SGPL1: variants seen among roughly 807,000 people sequenced by gnomAD.
SGPL1 encodes the protein SP-lyase 1.
In SGPL1, 37 loss-of-function variants were observed where a neutral mutation model predicts 68.9. That is an observed-to-expected ratio of 0.54 (90% CI 0.41 to 0.71). The LOEUF is 0.71. Among genes scored for constraint, SGPL1 ranks in the 30% least tolerant of loss-of-function variants. The pLI is 0.00. For missense variants in SGPL1, 551 were observed against 704.6 expected, an observed-to-expected ratio of 0.78 and a Z score of 2.47; for synonymous variants, 236 against 248.5, an observed-to-expected ratio of 0.95 and a Z score of 0.47.
chr10:70,867,320 T>C (rs893791074), intron 7 of SGPL1, among the ~76,000 whole-genome samples: 3 of 152,152 alleles, frequency 2.0e-5, no homozygotes, highest in African/African-American at 7.2e-5. Flanking sequence ...CCCAGCTCTT[T>C]GGGAGGCTGA....
rs55860254 is a variant in SGPL1 at position 70,848,454 on chromosome 10, CTTTTTTT to C, written c.194-2667_194-2661del. On this transcript the variant is annotated intron_variant, in intron 3 of 14. Transcript: ENST00000373202. ...CAAACTAACGTGATTACCTCACGTA[CTTTTTTT>C]TTTTTTTTTTTTTTTTTTTTTGAGA... Among the ~76,000 whole-genome samples, 316 of 70,662 alleles carry C rather than the reference CTTTTTTT, an allele frequency of 4.5e-3. 2 individuals are homozygous for C. The highest frequency in any genetic ancestry group is 0.032 in the Admixed American group (182 of 5,606). The allele number at this position is 70,662 out of a possible 152,430, so 46.4% of individuals were successfully genotyped here.
rs376930245 is a variant in SGPL1, at chr10:70,862,063, T to C, written c.615+2564T>C. Among the ~76,000 whole-genome samples, 57 of 149,148 alleles carry C rather than the reference T, an allele frequency of 3.8e-4. No homozygotes were observed. The East Asian group carries it at 7.7e-3, about 20-fold the overall frequency. On this transcript the variant is annotated intron_variant, in intron 7 of 14. Coordinates refer to ENST00000373202, the MANE Select transcript of SGPL1 (RefSeq NM_003901.4). ...CAGGACTGGCAGGCAGCTCCAGTCCTGCAGGCAGCTCCACCCGCAGCCCCG... is the reference window on the plus strand; with the variant it reads ...CAGGACTGGCAGGCAGCTCCAGTCCCGCAGGCAGCTCCACCCGCAGCCCCG...
At chr10:70,866,505 C>G (rs1289874826) in intron 7 of SGPL1, 1 of 152,164 alleles carries the variant, frequency 6.6e-6, no homozygotes, top group Non-Finnish European at 1.5e-5. Flanking sequence ...AAGTAGGACA[C>G]ATGAAGCAGG....
intron 2 of SGPL1, among the ~76,000 whole-genome samples, chr10:70,836,958 T>C (rs1476725853): frequency 6.6e-6 from 1 of 152,062 alleles, no homozygotes; most frequent in African/African-American, 2.4e-5. Context: ...ATGAAAGCCA[T>C]TTAGAGTTTT....
chr10:70,847,999 C>T (rs1257227430), intron 3 of SGPL1, among the ~76,000 whole-genome samples: 1 of 152,204 alleles, frequency 6.6e-6, no homozygotes, highest in Non-Finnish European at 1.5e-5. Flanking sequence ...GGTTAGCAGC[C>T]TCTTCCTTAA....
rs988842849 is a variant in SGPL1, at chr10:70,880,641, G to T, written c.*3306G>T. The T allele has an allele frequency of 6.6e-6, 1 of 152,168 alleles. No homozygotes were observed. Among genetic ancestry groups the T allele is most frequent in the African/African-American group, 2.4e-5 (1 of 41,430 alleles). 9.4% of individuals were successfully genotyped at this position (152,168 alleles called of 1,614,324 possible). On this transcript the variant is annotated 3_prime_UTR_variant, in exon 15 of 15. Transcript: ENST00000373202. The stretch of plus-strand genomic sequence containing the variant: ...TTATTCTATTATGAATAAGAAACGA[G>T]AAGTTTTTCCAAAGTGTTAGTCAGG...
intron 2 of SGPL1, among the ~76,000 whole-genome samples, chr10:70,843,257 C>CTGTGTG (rs56785272): frequency 6.7e-6 from 1 of 150,016 alleles, no homozygotes; most frequent in African/African-American, 2.4e-5. Flanking sequence ...ATGTATGTGC[C>CTGTGTG]TGTGTGTGTG....
At chr10:70,876,109 CA>C (rs1846380116) in intron 13 of SGPL1, among the ~76,000 whole-genome samples, 1 of 152,150 alleles carries the variant, frequency 6.6e-6, no homozygotes, top group African/African-American at 2.4e-5. Context: ...CAGTAAACCC[CA>C]CTAAATTCCT....
chr10:70,823,368 T>C (rs1845376050), intron 2 of SGPL1, among the ~76,000 whole-genome samples: 1 of 152,108 alleles, frequency 6.6e-6, no homozygotes, highest in Admixed American at 6.6e-5. Flanking sequence ...ACCTTAACTT[T>C]TATCCTACAT....
intron 3 of SGPL1, among the ~76,000 whole-genome samples, chr10:70,848,483 G>A (rs866343698): frequency 1.2e-4 from 1 of 8,404 alleles, no homozygotes; most frequent in Non-Finnish European, 2.6e-4. Flanking sequence ...TTTTTTTTTT[G>A]AGATGGAGTT....
In SGPL1 at chr10:70,857,580, G is replaced by C. The variant is rs763841026; in HGVS notation, c.410-34G>C. 1.5e-5 allele frequency: 23 copies of C among 1,552,294 alleles called. 1 individual carries two copies. In the South Asian group the frequency reaches 2.6e-4, roughly 17 times the overall value. On this transcript the variant is annotated intron_variant, in intron 5 of 14. Coordinates refer to ENST00000373202, the MANE Select transcript of SGPL1 (RefSeq NM_003901.4). ...AGAACCTGTCTTCCCAGAGATTCTTGCTTACTGACCAGTGACCTTACCTTT... is the reference window on the plus strand; with the variant it reads ...AGAACCTGTCTTCCCAGAGATTCTTCCTTACTGACCAGTGACCTTACCTTT...
chr10:70,866,680 G>T (rs958275303), intron 7 of SGPL1: 1 of 152,190 alleles, frequency 6.6e-6, no homozygotes, highest in Admixed American at 6.5e-5. Flanking sequence ...AGGACATGCT[G>T]CTGATTTGCA....
At chr10:70,868,728 T>G (rs1461994355) in intron 8 of SGPL1, among the ~76,000 whole-genome samples, 1 of 150,276 alleles carries the variant, frequency 6.7e-6, no homozygotes, top group Admixed American at 6.6e-5. Context: ...GTTTGAGGAC[T>G]ACATCTTTGA....
intron 6 of SGPL1, among the ~76,000 whole-genome samples, chr10:70,858,517 TTATTATAAA>T (rs933328626): frequency 6.6e-6 from 1 of 152,180 alleles, no homozygotes; most frequent in African/African-American, 2.4e-5. Context: ...TTGTGTTTGA[TTATTATAAA>T]TATGAAACTG....
chr10:70,819,074 A>T (rs578221840), intron 2 of SGPL1, among the ~76,000 whole-genome samples: 1 of 152,216 alleles, frequency 6.6e-6, no homozygotes, highest in Non-Finnish European at 1.5e-5. Context: ...CTTATATGTA[A>T]GATATTTCCC....
chr10:70,857,332 C>A, intron 5 of SGPL1: 1 of 353,222 alleles, frequency 2.8e-6, no homozygotes, highest in Non-Finnish European at 5.4e-6. Context: ...TGTTAGAAGG[C>A]AGTTGAGGAT....
intron 2 of SGPL1, among the ~76,000 whole-genome samples, chr10:70,818,268 A>C (rs1006920371): frequency 6.6e-6 from 1 of 152,076 alleles, no homozygotes; most frequent in African/African-American, 2.4e-5. Context: ...TTATAGGTGC[A>C]CACCACCATG....
At chr10:70,827,914 C>G (rs986277998) in intron 2 of SGPL1, among the ~76,000 whole-genome samples, 1 of 152,038 alleles carries the variant, frequency 6.6e-6, no homozygotes, top group African/African-American at 2.4e-5. Flanking sequence ...TGTGAGTGGC[C>G]TTTTTGCTCA....
At position 70,839,696 on chromosome 10, in the gene SGPL1, T is replaced by G. The variant is rs963228220; in HGVS notation, c.28-4777T>G. On this transcript the variant is annotated intron_variant, in intron 2 of 14. Transcript: ENST00000373202. ...TAAACAGAAGCCTAAGAATTATAAG[T>G]ATATATTCAGAGATATATAGACAAA... Among the ~76,000 whole-genome samples, 15 of 152,126 alleles carry G rather than the reference T, an allele frequency of 9.9e-5. 1 individual carries two copies. Among genetic ancestry groups the G allele is most frequent in the African/African-American group, 3.1e-4 (13 of 41,432 alleles).
Sources: allele counts gnomAD v4.1 joint callset (sites outside exome capture counted in the v4.1 genomes callset), GRCh38; gene constraint gnomAD v4.1.1; transcripts MANE v1.5; gene names NCBI Gene and HGNC (gene_info 2026-07-23, HGNC 2026-07-21).